Variants in GPR37 observed in about 807,000 individuals in gnomAD.
The protein encoded by GPR37 is prosaposin receptor GPR37.
GPR37 carries 20 observed loss-of-function variants against 43.6 expected under a neutral mutation model. The ratio of observed to expected loss-of-function variants is 0.46; its 90% CI spans 0.32 to 0.67. The LOEUF (loss-of-function observed/expected upper bound fraction) is 0.67, where lower values mean the gene tolerates loss of function less well. Among genes scored for constraint, GPR37 ranks in the 30% least tolerant of loss-of-function variants. The pLI is 0.03. For synonymous variants in GPR37, 315 were observed against 322.6 expected, an observed-to-expected ratio of 0.98 and a Z score of 0.25; for missense variants, 724 against 797.2, an observed-to-expected ratio of 0.91 and a Z score of 1.11.
At position 124,746,472 on chromosome 7, in the gene GPR37, T is replaced by C. The variant is rs1793671226; in HGVS notation, c.*53A>G. On this transcript the variant is annotated 3_prime_UTR_variant, in exon 2 of 2. Coordinates refer to ENST00000303921, the MANE Select transcript of GPR37 (RefSeq NM_005302.5). ...AAGGAAAAATATGAATTAAAAACTT[T>C]CACGGGATATGAAAATCAAACAAAT... The C allele has an allele frequency of 7.5e-7, 1 of 1,335,786 alleles. No homozygotes were observed. Among genetic ancestry groups the C allele is most frequent in the African/African-American group, 1.5e-5 (1 of 68,104 alleles). 82.7% of individuals were successfully genotyped at this position (1,335,786 alleles called of 1,614,324 possible). A position where few individuals can be genotyped will look rare whatever the true frequency, so the allele number is the denominator to read the frequency against.
At position 124,765,006 on chromosome 7, in the gene GPR37, A is replaced by T; in HGVS notation, c.-30T>A. The T allele has an allele frequency of 7.0e-7, 1 of 1,433,106 alleles. No individual in the cohort carries two copies. Among genetic ancestry groups the T allele is most frequent in the Non-Finnish European group, 9.1e-7 (1 of 1,097,044 alleles). 88.8% of individuals were successfully genotyped at this position (1,433,106 alleles called of 1,614,324 possible). A position where few individuals can be genotyped will look rare whatever the true frequency, so the allele number is the denominator to read the frequency against. On this transcript the variant is annotated 5_prime_UTR_variant, in exon 1 of 2. Transcript: ENST00000303921. ...TGGTGAGGGCACACCCGGCAGCCGC[A>T]GCTCCTGCTTAGTTAGGATCGACAC...
intron 1 of GPR37, among the ~76,000 whole-genome samples, chr7:124,748,938 C>G (rs539255708): frequency 6.6e-6 from 1 of 151,878 alleles, no homozygotes; most frequent in Admixed American, 6.6e-5. Context: ...AAGCATTGTA[C>G]ATGTACTCAA....
chr7:124,751,245 G>A (rs1317206771), intron 1 of GPR37, among the ~76,000 whole-genome samples: 1 of 151,958 alleles, frequency 6.6e-6, no homozygotes, highest in Non-Finnish European at 1.5e-5. Flanking sequence ...TTGGGATGCA[G>A]TTGCTCTTGG....
intron 1 of GPR37, among the ~76,000 whole-genome samples, chr7:124,761,016 G>A (rs976410805): frequency 6.6e-5 from 10 of 151,962 alleles, no homozygotes; most frequent in Non-Finnish European, 1.3e-4. Flanking sequence ...AAAATTAGCC[G>A]GGTGTGGTGA....
intron 1 of GPR37, among the ~76,000 whole-genome samples, chr7:124,750,306 C>T (rs1793717313): frequency 6.6e-6 from 1 of 152,162 alleles, no homozygotes; most frequent in African/African-American, 2.4e-5. Context: ...GTGCCATCTT[C>T]ACTAAGGCAA....
intron 1 of GPR37, 57 bp downstream of exon 1, chr7:124,763,897 G>A (rs1297906438): frequency 3.4e-6 from 5 of 1,487,310 alleles, no homozygotes; most frequent in Non-Finnish European, 4.6e-6. Context: ...GTTCTCTGAT[G>A]CTATAATCCC....
In GPR37 at chr7:124,746,732, G is replaced by A. The variant is rs1307031479; in HGVS notation, c.1635C>T (p.Thr545=). 1 of 1,613,956 alleles carries A rather than the reference G, an allele frequency of 6.2e-7. No individual in the cohort carries two copies. Among genetic ancestry groups the A allele is most frequent in the Admixed American group, 1.7e-5 (1 of 60,006 alleles). The change falls in exon 2 of 2, where the codon ACC becomes ACT. Residue 545 remains threonine, a synonymous_variant. Transcript: ENST00000303921. The part of the protein sequence containing the change: ...QFLLFFKSCV[T]PVLLFCLCKP... ...TGCAGAGACAGAAAAGGAGGACTGGGGTGACACAGGACTTAAAGAACAAAA... is the reference window on the plus strand; with the variant it reads ...TGCAGAGACAGAAAAGGAGGACTGGAGTGACACAGGACTTAAAGAACAAAA...
Position 124,744,424 on chromosome 7 carries a change from G to A in GPR37, c.*2101C>T, listed in dbSNP as rs1401600113. On this transcript the variant is annotated 3_prime_UTR_variant, in exon 2 of 2. Coordinates refer to ENST00000303921, the MANE Select transcript of GPR37 (RefSeq NM_005302.5). ...TTTCCCACAAGGCTGCTATGCACAC[G>A]TAGCACAGAAGTCAAACTGGGCTGT... 4 of 152,104 alleles carry A rather than the reference G, an allele frequency of 2.6e-5. No homozygotes were observed. Among genetic ancestry groups the A allele is most frequent in the Non-Finnish European group, 4.4e-5 (3 of 68,006 alleles). 9.4% of individuals were successfully genotyped at this position (152,104 alleles called of 1,614,324 possible).
chr7:124,765,156 T>C lies in GPR37; in HGVS notation c.-180A>G. ...TCTTGGGGGTCACACACACGCCCCCTATAATCCTTCCTCCTTTGGCATCTT... is the reference window on the plus strand; with the variant it reads ...TCTTGGGGGTCACACACACGCCCCCCATAATCCTTCCTCCTTTGGCATCTT... On this transcript the variant is annotated 5_prime_UTR_variant, in exon 1 of 2. The change creates a new upstream start codon in the 5' untranslated region. Coordinates refer to ENST00000303921, the MANE Select transcript of GPR37 (RefSeq NM_005302.5). 1 of 520,328 alleles carries C rather than the reference T, an allele frequency of 1.9e-6. No individual in the cohort carries two copies. Among genetic ancestry groups the C allele is most frequent in the Non-Finnish European group, 3.3e-6 (1 of 306,548 alleles). 32.2% of individuals were successfully genotyped at this position (520,328 alleles called of 1,614,324 possible). A position where few individuals can be genotyped will look rare whatever the true frequency, so the allele number is the denominator to read the frequency against.
intron 1 of GPR37, among the ~76,000 whole-genome samples, chr7:124,750,709 T>C (rs1793720810): frequency 6.6e-6 from 1 of 152,164 alleles, no homozygotes; most frequent in South Asian, 2.1e-4. Context: ...TGGACATGTA[T>C]TAAGATGGGT....
At chr7:124,752,147 CA>C (rs1793741500) in intron 1 of GPR37, among the ~76,000 whole-genome samples, 1 of 152,076 alleles carries the variant, frequency 6.6e-6, no homozygotes, top group South Asian at 2.1e-4. Context: ...ACATGTGGAG[CA>C]GTGAGGCTTT....
intron 1 of GPR37, among the ~76,000 whole-genome samples, chr7:124,750,758 C>A (rs1162625575): frequency 6.6e-6 from 1 of 152,116 alleles, no homozygotes; most frequent in Non-Finnish European, 1.5e-5. Flanking sequence ...AGAAGCTGTG[C>A]TGCACATCCG....
Position 124,747,220 on chromosome 7 carries a change from G to A in GPR37, c.1147C>T (p.Leu383Phe), listed in dbSNP as rs747595694. Residue 383 changes from leucine to phenylalanine, a missense_variant, in exon 2 of 2, where the codon CTT becomes TTT. Leu to Phe is a conservative substitution (Grantham distance 22, BLOSUM62 0). Transcript: ENST00000303921. ...IENCSSTTAK[L>F]AVIWVGALLL... ...AGAGCTCCCACCCATATAACAGCAA[G>A]TTTGGCAGTTGTTGAGGAACAGTTT... 9 of 1,613,778 alleles carry A rather than the reference G, an allele frequency of 5.6e-6. No homozygotes were observed. The highest frequency in any genetic ancestry group is 7.6e-6 in the Non-Finnish European group (9 of 1,179,872).
At chr7:124,762,669 TAAAGCAGC>T (rs978825808) in intron 1 of GPR37, among the ~76,000 whole-genome samples, 92 of 152,312 alleles carry the variant, frequency 6.0e-4, no homozygotes, top group African/African-American at 2.0e-3. Flanking sequence ...TGGACGCTGC[TAAAGCAGC>T]AACAGCTGAT....
chr7:124,754,902 C>T (rs1793775076), intron 1 of GPR37, among the ~76,000 whole-genome samples: 1 of 152,038 alleles, frequency 6.6e-6, no homozygotes, highest in South Asian at 2.1e-4. Context: ...TTATCCTTGT[C>T]CTTGCAGCAT....
chr7:124,754,242 A>G (rs556081493), intron 1 of GPR37, among the ~76,000 whole-genome samples: 63 of 152,286 alleles, frequency 4.1e-4, no homozygotes, highest in Middle Eastern at 3.4e-3. Context: ...ACTTTGTGCT[A>G]CATTAAATCT....
At chr7:124,748,091 A>C (rs768924658) in intron 1 of GPR37, among the ~76,000 whole-genome samples, 1 of 152,256 alleles carries the variant, frequency 6.6e-6, no homozygotes, top group Middle Eastern at 3.4e-3. Context: ...GCCCAGGTGC[A>C]CAGAGACAGG....
intron 1 of GPR37, 126 bp from the exon 2 acceptor site, chr7:124,747,469 A>T (rs1793687223): frequency 1.6e-6 from 1 of 643,796 alleles, no homozygotes; most frequent in Admixed American, 3.1e-5. Context: ...AGAGAGAGAG[A>T]GAACAGTTTT....
At chr7:124,753,113 A>G (rs545174633) in intron 1 of GPR37, among the ~76,000 whole-genome samples, 1 of 152,232 alleles carries the variant, frequency 6.6e-6, no homozygotes, top group South Asian at 2.1e-4. Flanking sequence ...CTCTTAAATG[A>G]TAATATAGAG....
Sources: gnomAD v4.1 joint callset for allele counts (sites outside exome capture counted in the v4.1 genomes callset) on GRCh38, gnomAD v4.1.1 for gene constraint, MANE v1.5 for transcripts, NCBI Gene and HGNC (gene_info 2026-07-23, HGNC 2026-07-21) for gene names.